The following AFAP1 variants were observed in gnomAD, a reference collection of about 807,000 sequenced individuals.
The protein encoded by AFAP1 is actin filament associated protein 1, also known as actin filament-associated protein 1.
Under a neutral mutation model 93.9 loss-of-function variants are expected in AFAP1, and 75 were observed. The ratio of observed to expected loss-of-function variants is 0.80; its 90% CI spans 0.66 to 0.97. AFAP1 has a LOEUF of 0.97. Among genes scored for constraint, AFAP1 ranks in the 50% least tolerant of loss-of-function variants. AFAP1 has a pLI of 0.00. For synonymous variants in AFAP1, 517 were observed against 430.7 expected (o/e 1.20, Z -2.48); for missense variants, 1,201 against 1,050.8 (o/e 1.14, Z -1.98).
intron 3 of AFAP1, among the ~76,000 whole-genome samples, chr4:7,857,129 G>C (rs1337823356): frequency 6.6e-6 from 1 of 152,072 alleles, no homozygotes; most frequent in Non-Finnish European, 1.5e-5. Context: ...TAAACAACCT[G>C]GGAAGAGGTA....
chr4:7,798,826 C>A, intron 10 of AFAP1: 2 of 953,968 alleles, frequency 2.1e-6, no homozygotes, highest in Non-Finnish European at 2.5e-6. Context: ...TGACTTCCAC[C>A]CACCCCCACC....
At chr4:7,825,513 A>G (rs1721343509) in intron 6 of AFAP1, among the ~76,000 whole-genome samples, 1 of 152,252 alleles carries the variant, frequency 6.6e-6, no homozygotes, top group South Asian at 2.1e-4. Context: ...AGAAGAAATC[A>G]AGACAGAAAT....
intron 16 of AFAP1, among the ~76,000 whole-genome samples, 185 bp from the exon 17 acceptor site, chr4:7,769,193 C>T (rs1321750325): frequency 3.9e-5 from 6 of 152,180 alleles, no homozygotes; most frequent in African/African-American, 7.2e-5. Context: ...CATTCACGGC[C>T]GGGGGGCAGA....
chr4:7,933,042 G>C (rs540032512), intron 1 of AFAP1, among the ~76,000 whole-genome samples: 4 of 140,798 alleles, frequency 2.8e-5, no homozygotes, highest in East Asian at 3.9e-4. Flanking sequence ...AAAAAAAAAG[G>C]GGGGGGATCT....
intron 1 of AFAP1, among the ~76,000 whole-genome samples, chr4:7,903,929 C>A (rs1303579746): frequency 6.7e-6 from 1 of 149,694 alleles, no homozygotes; most frequent in African/African-American, 2.5e-5. Flanking sequence ...TGTAAGCCAT[C>A]TGGGCAATGG....
chr4:7,899,176 G>C (rs926971444), intron 1 of AFAP1, among the ~76,000 whole-genome samples: 1 of 151,912 alleles, frequency 6.6e-6, no homozygotes, highest in African/African-American at 2.4e-5. Flanking sequence ...ATGCTGCTAA[G>C]ACACATAACC....
intron 4 of AFAP1, among the ~76,000 whole-genome samples, chr4:7,849,667 C>T (rs769047925): frequency 7.2e-5 from 11 of 152,170 alleles, no homozygotes; most frequent in African/African-American, 2.4e-4. Context: ...CTGTGTCTAG[C>T]GTTTTCAGAC....
chr4:7,939,787 A>T lies in AFAP1; in HGVS notation c.-134T>A, dbSNP rs1721635537. On this transcript the variant is annotated 5_prime_UTR_variant, in exon 1 of 18. Transcript: ENST00000420658. This position sits in a 1 kb window ranked among gnomAD's most constrained non-coding sequence, Gnocchi z 5.6. ...GGGGCGGGGCCGCCGCCGCCGCCTC[A>T]GCCCGTGTACCCCGCTCGAGATCCG... 2.6e-6 allele frequency: 1 copy of T among 386,570 alleles called. No homozygotes were observed. The highest frequency in any genetic ancestry group is 5.0e-6 in the Non-Finnish European group (1 of 199,056). 23.9% of individuals were successfully genotyped at this position (386,570 alleles called of 1,614,324 possible).
intron 1 of AFAP1, among the ~76,000 whole-genome samples, chr4:7,914,992 G>A (rs887298468): frequency 6.6e-6 from 1 of 151,964 alleles, no homozygotes; most frequent in Non-Finnish European, 1.5e-5. Context: ...CAAATGATCC[G>A]CCCACTTCAG....
At chr4:7,838,966 C>T (rs922262135) in intron 5 of AFAP1, among the ~76,000 whole-genome samples, 1 of 152,272 alleles carries the variant, frequency 6.6e-6, no homozygotes, top group Admixed American at 6.5e-5. Context: ...TCAACAAACA[C>T]CAAAAGTCCC....
At position 7,781,500 on chromosome 4, in the gene AFAP1, T is replaced by C; in HGVS notation, c.1658A>G (p.Asp553Gly). 6.4e-7 allele frequency: 1 copy of C among 1,552,238 alleles called. No homozygotes were observed. The highest frequency in any genetic ancestry group is 8.7e-7 in the Non-Finnish European group (1 of 1,147,106). Reference sequence around the variant, plus strand: ...AGCAGACAGCCTAGAGGCCTTTCTGTCAGCAGGAGAGTAGCGGGCAAAGAT... The same window carrying C: ...AGCAGACAGCCTAGAGGCCTTTCTGCCAGCAGGAGAGTAGCGGGCAAAGAT... ...PHIFARYSPA[D>G]RKASRLSADK... The change falls in exon 13 of 18, where the codon GAC (aspartate) becomes GGC (glycine). Residue 553 changes from aspartate (D) to glycine (G), a missense_variant. Physicochemically the swap from Asp to Gly is moderately conservative, Grantham distance 94. Coordinates refer to ENST00000420658, the MANE Select transcript of AFAP1 (RefSeq NM_001134647.2).
intron 3 of AFAP1, among the ~76,000 whole-genome samples, chr4:7,860,705 G>A (rs769078797): frequency 5.3e-5 from 8 of 152,164 alleles, no homozygotes; most frequent in East Asian, 3.9e-4. Context: ...CACGGCATCC[G>A]TTGCTCCTGC....
In AFAP1 at chr4:7,774,502, G is replaced by C. The variant is rs1276601331; in HGVS notation, c.2062+237C>G. ...CCCAGCACCTCCCCTGCCTCGGTGA[G>C]CAGCGTGTGGGTCTGGCCCTGGCCT... On this transcript the variant is annotated intron_variant, in intron 15 of 17. Transcript: ENST00000420658. The C allele has an allele frequency of 1.1e-5, 6 of 528,690 alleles. No homozygotes were observed. In the East Asian group the frequency reaches 2.1e-4, roughly 18 times the overall value. 32.7% of individuals were successfully genotyped at this position (528,690 alleles called of 1,614,324 possible). A position where few individuals can be genotyped will look rare whatever the true frequency, so the allele number is the denominator to read the frequency against.
At chr4:7,818,781 C>T (rs2149069818) in intron 7 of AFAP1, among the ~76,000 whole-genome samples, 1 of 152,296 alleles carries the variant, frequency 6.6e-6, no homozygotes, top group East Asian at 1.9e-4. Context: ...GACAGGCTTG[C>T]CTTCAGACTT....
chr4:7,884,156 C>A lies in AFAP1; in HGVS notation c.-2-12076G>T, dbSNP rs141065970. Reference sequence around the variant, plus strand: ...CCTGCTCTGTCATGTGAGACACCTGCTCCCCCCTTCACCTTCCACCATGAC... The same window carrying A: ...CCTGCTCTGTCATGTGAGACACCTGATCCCCCCTTCACCTTCCACCATGAC... On this transcript the variant is annotated intron_variant, in intron 1 of 17. Coordinates refer to ENST00000420658, the MANE Select transcript of AFAP1 (RefSeq NM_001134647.2). Among the ~76,000 whole-genome samples the A allele has an allele frequency of 9.3e-4, 142 of 152,282 alleles. 1 individual carries two copies. Among genetic ancestry groups the A allele is most frequent in the African/African-American group, 3.3e-3 (139 of 41,554 alleles).
chr4:7,847,698 C>T (rs1713883556), intron 4 of AFAP1, among the ~76,000 whole-genome samples: 2 of 149,154 alleles, frequency 1.3e-5, no homozygotes, highest in South Asian at 4.2e-4. Flanking sequence ...AAATGGGGAG[C>T]AGGGAAAAGA....
At chr4:7,927,160 C>T (rs1038551107) in intron 1 of AFAP1, among the ~76,000 whole-genome samples, 2 of 152,150 alleles carry the variant, frequency 1.3e-5, no homozygotes, top group Non-Finnish European at 2.9e-5. Flanking sequence ...GGGACAATTC[C>T]AAGACTTGTG....
intron 10 of AFAP1, among the ~76,000 whole-genome samples, chr4:7,797,737 T>C (rs1245102949): frequency 2.0e-5 from 3 of 152,192 alleles, no homozygotes; most frequent in Non-Finnish European, 4.4e-5. Flanking sequence ...GTATGCATGG[T>C]AGTTTCCTGA....
At chr4:7,796,322 G>A (rs929054578) in intron 10 of AFAP1, among the ~76,000 whole-genome samples, 1 of 152,168 alleles carries the variant, frequency 6.6e-6, no homozygotes, top group Non-Finnish European at 1.5e-5. Context: ...AAGCATGATG[G>A]ACTATATAAT....
Sources: gnomAD v4.1 joint callset for allele counts (sites outside exome capture counted in the v4.1 genomes callset) on GRCh38, gnomAD v4.1.1 for gene constraint, Gnocchi (gnomAD v3.1) non-coding constraint, MANE v1.5 for transcripts, NCBI Gene and HGNC (gene_info 2026-07-23, HGNC 2026-07-21) for gene names.